Variants in MGST1 observed in about 807,000 individuals in gnomAD.
The protein encoded by MGST1 is microsomal glutathione S-transferase 1, also known as glutathione S-transferase 12.
A neutral mutation model predicts 8.9 loss-of-function variants in MGST1; 5 were observed. The observed-to-expected ratio is 0.56, with a 90% CI of 0.29 to 1.19. The LOEUF (loss-of-function observed/expected upper bound fraction) is 1.19, where lower values mean the gene tolerates loss of function less well. Ranked by LOEUF, MGST1 falls within the 50% of genes most tolerant of loss-of-function variation. The pLI is 0.08. For synonymous variants in MGST1, 54 were observed against 67.8 expected, an observed-to-expected ratio of 0.80 and a Z score of 1.00; for missense variants, 182 against 187.4, an observed-to-expected ratio of 0.97 and a Z score of 0.17.
At position 16,490,556 on chromosome 12, in the gene MGST1, T is replaced by C. The variant is rs569503148; in HGVS notation, n.483-98972T>C. ...ACTAACTTAGCAATCACTATATACT[T>C]GGCAGAATACAAGTATTGTATTCTG... On this transcript the variant is annotated intron_variant and non_coding_transcript_variant, in intron 4 of 4. Transcript: ENST00000538857. Among the ~76,000 whole-genome samples, 5 of 152,320 alleles carry C rather than the reference T, an allele frequency of 3.3e-5. No individual in the cohort carries two copies. The East Asian group carries it at 9.6e-4, about 29-fold the overall frequency.
intron 4 of MGST1, among the ~76,000 whole-genome samples, chr12:16,520,368 C>T (rs907156720): frequency 5.3e-5 from 8 of 152,010 alleles, no homozygotes; most frequent in Non-Finnish European, 8.8e-5. Context: ...ACAATCTAAT[C>T]GGGAAGGAAA....
intron 4 of MGST1, among the ~76,000 whole-genome samples, chr12:16,531,905 T>C (rs923849089): frequency 6.6e-6 from 1 of 152,152 alleles, no homozygotes; most frequent in African/African-American, 2.4e-5. Flanking sequence ...GCTTTCCCTT[T>C]GTCAATATTG....
intron 4 of MGST1, among the ~76,000 whole-genome samples, chr12:16,578,259 G>T (rs1050999081): frequency 2.6e-5 from 4 of 152,152 alleles, no homozygotes; most frequent in Non-Finnish European, 5.9e-5. Context: ...AATTCTAAGA[G>T]AATTTTTTCT....
chr12:16,558,285 A>G (rs1228301439), intron 4 of MGST1, among the ~76,000 whole-genome samples: 1 of 152,042 alleles, frequency 6.6e-6, no homozygotes, highest in Non-Finnish European at 1.5e-5. Flanking sequence ...GAGACATGGG[A>G]CAATGTCTTG....
At chr12:16,471,305 G>A (rs1463708990) in intron 4 of MGST1, among the ~76,000 whole-genome samples, 8 of 152,296 alleles carry the variant, frequency 5.3e-5, no homozygotes, top group South Asian at 2.1e-4. Context: ...AATATGCAAC[G>A]TGGGCACAAC....
chr12:16,533,559 A>T (rs1326487466), intron 4 of MGST1, among the ~76,000 whole-genome samples: 1 of 152,186 alleles, frequency 6.6e-6, no homozygotes, highest in Non-Finnish European at 1.5e-5. Flanking sequence ...TAGTTCAGTC[A>T]TAAATTACTT....
chr12:16,511,686 G>A (rs376207909), intron 4 of MGST1, among the ~76,000 whole-genome samples: 3 of 152,112 alleles, frequency 2.0e-5, no homozygotes, highest in African/African-American at 7.2e-5. Flanking sequence ...TATTAGATCA[G>A]GAAAATGTTC....
At chr12:16,402,342 C>T (rs756204313) in intron 1 of MGST1, 7 of 1,600,584 alleles carry the variant, frequency 4.4e-6, no homozygotes, top group African/African-American at 1.3e-5. Flanking sequence ...TTGGCATACT[C>T]ATCTTCTCCT....
At chr12:16,428,617 AC>A (rs1269006298) in intron 1 of MGST1, among the ~76,000 whole-genome samples, 1 of 151,918 alleles carries the variant, frequency 6.6e-6, no homozygotes, top group South Asian at 2.1e-4. Context: ...TATATATTTT[AC>A]TTTGCTAAAT....
At chr12:16,488,136 C>CT (rs1941411838) in intron 4 of MGST1, among the ~76,000 whole-genome samples, 1 of 152,098 alleles carries the variant, frequency 6.6e-6, no homozygotes, top group East Asian at 1.9e-4. Flanking sequence ...GAGAGAGGGT[C>CT]TAGGAGAATG....
exon 4 of MGST1, chr12:16,377,187 G>A (rs1232276685): frequency 6.6e-6 from 1 of 151,820 alleles, no homozygotes; most frequent in African/African-American, 2.4e-5. Context: ...GGGTACATGT[G>A]CACAACGTGC....
chr12:16,399,531 GA>G (rs1940634901), intron 1 of MGST1: 2 of 1,560,086 alleles, frequency 1.3e-6, no homozygotes, highest in Non-Finnish European at 1.8e-6. Flanking sequence ...TGCTTCTGAT[GA>G]ATAATCTTCA....
chr12:16,387,420 A>G (rs915874253), intron 1 of MGST1, among the ~76,000 whole-genome samples: 2 of 152,192 alleles, frequency 1.3e-5, no homozygotes, highest in African/African-American at 2.4e-5. Flanking sequence ...AAAGCGAACA[A>G]GTAATGTCCT....
intron 1 of MGST1, among the ~76,000 whole-genome samples, chr12:16,434,997 A>G (rs1343179192): frequency 6.6e-6 from 1 of 151,954 alleles, no homozygotes; most frequent in Non-Finnish European, 1.5e-5. Flanking sequence ...CTAATTTTAC[A>G]TTTATCCGAG....
chr12:16,436,555 A>G (rs1940988414), intron 1 of MGST1, among the ~76,000 whole-genome samples: 1 of 151,198 alleles, frequency 6.6e-6, no homozygotes, highest in Non-Finnish European at 1.5e-5. Flanking sequence ...TGAAACAGGA[A>G]AGAAAAAAAA....
intron 1 of MGST1, among the ~76,000 whole-genome samples, chr12:16,404,384 A>G (rs746092810): frequency 5.9e-5 from 9 of 152,092 alleles, no homozygotes; most frequent in Non-Finnish European, 1.3e-4. Flanking sequence ...TAAAAATTCA[A>G]TATGGCAATC....
chr12:16,419,476 G>C (rs1156418415), intron 1 of MGST1, among the ~76,000 whole-genome samples: 15 of 151,820 alleles, frequency 9.9e-5, no homozygotes, highest in Admixed American at 3.3e-4. Context: ...GATTCCTTCA[G>C]AAAAAAGGAA....
chr12:16,553,612 G>A (rs1238990195), intron 4 of MGST1, among the ~76,000 whole-genome samples: 1 of 152,074 alleles, frequency 6.6e-6, no homozygotes, highest in Non-Finnish European at 1.5e-5. Flanking sequence ...GAACATGGAT[G>A]AGGGATGTCA....
chr12:16,448,933 G>C (rs1213167837), intron 4 of MGST1, among the ~76,000 whole-genome samples: 1 of 151,912 alleles, frequency 6.6e-6, no homozygotes, highest in Non-Finnish European at 1.5e-5. Context: ...TATAAGAAGA[G>C]AGGGGGAAGG....
Sources: gnomAD v4.1 joint callset for allele counts (sites outside exome capture counted in the v4.1 genomes callset) on GRCh38, gnomAD v4.1.1 for gene constraint, MANE v1.5 for transcripts, NCBI Gene and HGNC (gene_info 2026-07-23, HGNC 2026-07-21) for gene names.